The following DUS2 variants were observed in gnomAD, a reference collection of about 807,000 sequenced individuals.
DUS2 encodes tRNA-dihydrouridine(20) synthase [NAD(P)+]-like.
A neutral mutation model predicts 71.3 loss-of-function variants in DUS2; 52 were observed. The ratio of observed to expected loss-of-function variants is 0.73; its 90% CI spans 0.58 to 0.92. DUS2 has a LOEUF of 0.92. DUS2 is among the 40% of genes least tolerant of loss of function. The pLI is 0.00. For synonymous variants in DUS2, 204 were observed against 227.8 expected, an observed-to-expected ratio of 0.90 and a Z score of 0.94; for missense variants, 558 against 622.6, an observed-to-expected ratio of 0.90 and a Z score of 1.10.
At chr16:68,035,525 G>A (rs930727785) in intron 2 of DUS2, among the ~76,000 whole-genome samples, 2 of 151,412 alleles carry the variant, frequency 1.3e-5, no homozygotes, top group Admixed American at 1.3e-4. Context: ...TCTGACCATA[G>A]GCATATGCCA....
intron 3 of DUS2, among the ~76,000 whole-genome samples, chr16:68,044,432 GT>G (rs1207152384): frequency 1.5e-5 from 2 of 135,856 alleles, no homozygotes. Flanking sequence ...GTCTCACTCT[GT>G]TACCCAGGCT....
chr16:68,038,206 TTGTG>T, intron 3 of DUS2, 57 bp downstream of exon 3: 1 of 1,603,470 alleles, frequency 6.2e-7, no homozygotes, highest in Non-Finnish European at 8.5e-7. Flanking sequence ...TCCTCTTCAT[TTGTG>T]TGTGGGAGTG....
In DUS2 at chr16:68,038,195, C is replaced by G. The variant is rs374243258; in HGVS notation, c.126+46C>G. On this transcript the variant is annotated intron_variant, in intron 3 of 16. Transcript: ENST00000565263. ...GGGTGGGCTTCTCCACAAGTACAGA[C>G]TCCTCTTCATTTGTGTGTGGGAGTG... 1.7e-3 allele frequency: 2,766 copies of G among 1,607,324 alleles called. 55 individuals carry two copies. In the South Asian group the frequency reaches 0.028, roughly 16 times the overall value.
intron 7 of DUS2, among the ~76,000 whole-genome samples, chr16:68,057,438 A>G (rs1242262162): frequency 6.6e-6 from 1 of 151,684 alleles, no homozygotes; most frequent in African/African-American, 2.4e-5. Flanking sequence ...ATACATTTAA[A>G]AAAAAGAGAG....
At chr16:68,053,450 A>G (rs2033808618) in intron 4 of DUS2, 114 bp from the exon 5 acceptor site, 2 of 919,762 alleles carry the variant, frequency 2.2e-6, no homozygotes, top group Non-Finnish European at 3.5e-6. Flanking sequence ...GTATACATTT[A>G]GGATCTCTTT....
intron 10 of DUS2, among the ~76,000 whole-genome samples, chr16:68,067,427 G>A (rs531524566): frequency 1.9e-4 from 25 of 132,004 alleles, no homozygotes; most frequent in Non-Finnish European, 3.1e-4. Context: ...GATTACAGGT[G>A]CGCTCCACCA....
chr16:68,058,313 C>G (rs2033890533), intron 7 of DUS2, among the ~76,000 whole-genome samples: 2 of 151,418 alleles, frequency 1.3e-5, no homozygotes, highest in Admixed American at 6.6e-5. Context: ...CAACCTCCGT[C>G]TCCTGGGTTC....
chr16:68,066,544 C>G (rs756532569), intron 9 of DUS2, 22 bp from the exon 10 acceptor site: 3 of 1,613,418 alleles, frequency 1.9e-6, no homozygotes. Flanking sequence ...CAGTAACCAT[C>G]CTGTGTGGTC....
At chr16:68,076,490 A>AAG (rs2034157616) in intron 14 of DUS2, 142 bp from the exon 15 acceptor site, 1 of 582,150 alleles carries the variant, frequency 1.7e-6, no homozygotes. Flanking sequence ...CTAGGGGAGC[A>AAG]AGTACAGAAG....
At chr16:68,031,897 G>A (rs1026392918) in intron 2 of DUS2, among the ~76,000 whole-genome samples, 1 of 152,042 alleles carries the variant, frequency 6.6e-6, no homozygotes, top group African/African-American at 2.4e-5. Flanking sequence ...GTTTCATCAT[G>A]TTGGCCAGGC....
intron 10 of DUS2, among the ~76,000 whole-genome samples, chr16:68,069,616 G>A (rs1368329195): frequency 6.6e-6 from 1 of 152,166 alleles, no homozygotes; most frequent in African/African-American, 2.4e-5. Context: ...GCCATGGTCC[G>A]TGCCTTTCCT....
chr16:68,067,177 C>G (rs1478249099), intron 10 of DUS2, among the ~76,000 whole-genome samples: 3 of 26,320 alleles, frequency 1.1e-4, no homozygotes, highest in African/African-American at 3.5e-4. Flanking sequence ...CCCTCTCCCC[C>G]CTCCCCTCCC....
At chr16:68,073,808 T>C (rs1163731855) in intron 12 of DUS2, among the ~76,000 whole-genome samples, 13 of 152,118 alleles carry the variant, frequency 8.5e-5, no homozygotes, top group Admixed American at 8.5e-4. Flanking sequence ...AGGCTGCTCT[T>C]GAACTCCTAG....
intron 13 of DUS2, among the ~76,000 whole-genome samples, chr16:68,074,508 A>G (rs763385540): frequency 3.9e-5 from 6 of 152,174 alleles, no homozygotes; most frequent in Non-Finnish European, 5.9e-5. Flanking sequence ...CTGCACTCAC[A>G]TCCATCACCC....
chr16:68,040,088 CTT>C (rs559084303), intron 3 of DUS2, among the ~76,000 whole-genome samples: 12 of 141,494 alleles, frequency 8.5e-5, no homozygotes, highest in African/African-American at 1.3e-4. Context: ...CTTTTTTTTT[CTT>C]TTTTTTTTTT....
chr16:68,039,562 G>A (rs1179767802), intron 3 of DUS2, among the ~76,000 whole-genome samples: 1 of 152,104 alleles, frequency 6.6e-6, no homozygotes, highest in Non-Finnish European at 1.5e-5. Flanking sequence ...GGGACTACAG[G>A]CGTCCGCCAC....
At position 68,032,886 on chromosome 16, in the gene DUS2, G is replaced by A. The variant is rs530648728; in HGVS notation, c.-18-5120G>A. Among the ~76,000 whole-genome samples the A allele has an allele frequency of 2.8e-5, 3 of 106,680 alleles. No homozygotes were observed. In the South Asian group the frequency reaches 9.7e-4, roughly 35 times the overall value. 70.0% of individuals were successfully genotyped at this position (106,680 alleles called of 152,430 possible). Reference sequence around the variant, plus strand: ...ATTGCGCCACTGCACTCCAGCCTGGGCAACAGAGTGAGACTCCATCTCAAA... The same window carrying A: ...ATTGCGCCACTGCACTCCAGCCTGGACAACAGAGTGAGACTCCATCTCAAA... On this transcript the variant is annotated intron_variant, in intron 2 of 16. Coordinates refer to ENST00000565263, the MANE Select transcript of DUS2 (RefSeq NM_017803.5).
intron 3 of DUS2, among the ~76,000 whole-genome samples, chr16:68,044,888 G>T (rs1336600029): frequency 6.6e-6 from 1 of 152,142 alleles, no homozygotes; most frequent in Non-Finnish European, 1.5e-5. Context: ...TGCCTCCCGG[G>T]CTCAAGCCAT....
At chr16:68,070,479 T>A (rs535369819) in intron 11 of DUS2, among the ~76,000 whole-genome samples, 2 of 152,330 alleles carry the variant, frequency 1.3e-5, no homozygotes, top group East Asian at 3.9e-4. Flanking sequence ...AGCAGCAGGC[T>A]GCAGGGAGGG....
Sources: allele counts gnomAD v4.1 joint callset (sites outside exome capture counted in the v4.1 genomes callset), GRCh38; gene constraint gnomAD v4.1.1; transcripts MANE v1.5; gene names NCBI Gene and HGNC (gene_info 2026-07-23, HGNC 2026-07-21).